CDH9: variants seen among roughly 807,000 people sequenced by gnomAD.
CDH9 encodes cadherin 9.
In CDH9, 28 loss-of-function variants were observed where a neutral mutation model predicts 70.9. The observed-to-expected ratio is 0.40, with a 90% CI of 0.29 to 0.54. The LOEUF (loss-of-function observed/expected upper bound fraction) is 0.54. Among genes scored for constraint, CDH9 ranks in the 20% least tolerant of loss-of-function variants. CDH9 has a pLI of 0.59. For missense variants in CDH9, 874 were observed against 984.4 expected, an observed-to-expected ratio of 0.89 and a Z score of 1.50; for synonymous variants, 409 against 343.1, an observed-to-expected ratio of 1.19 and a Z score of -2.12.
chr5:26,954,388 C>CTTTCTTTTTTTTTT (rs560729532), intron 2 of CDH9, among the ~76,000 whole-genome samples: 1 of 93,066 alleles, frequency 1.1e-5, no homozygotes, highest in Non-Finnish European at 1.9e-5. Flanking sequence ...TACAGCCTTT[C>CTTTCTTTTTTTTTT]TTTTTTTTTT....
chr5:27,021,876 A>G (rs1743144024), intron 1 of CDH9, among the ~76,000 whole-genome samples: 1 of 152,010 alleles, frequency 6.6e-6, no homozygotes, highest in African/African-American at 2.4e-5. Flanking sequence ...CTCCAGAAGG[A>G]AATCACAAGA....
At chr5:26,960,148 A>T (rs1742010332) in intron 2 of CDH9, among the ~76,000 whole-genome samples, 1 of 152,018 alleles carries the variant, frequency 6.6e-6, no homozygotes, top group Admixed American at 6.6e-5. Flanking sequence ...CAGAGAGAAA[A>T]AAACAAGAAA....
intron 1 of CDH9, among the ~76,000 whole-genome samples, chr5:27,009,755 C>G (rs543532487): frequency 2.6e-5 from 4 of 152,192 alleles, no homozygotes; most frequent in African/African-American, 9.6e-5. Flanking sequence ...GGCAGGATAA[C>G]TCTCTTAAAA....
chr5:26,910,524 T>C (rs878969712), intron 3 of CDH9, among the ~76,000 whole-genome samples: 3 of 152,174 alleles, frequency 2.0e-5, no homozygotes, highest in Non-Finnish European at 2.9e-5. Flanking sequence ...TCTGTATCTA[T>C]GTATATCTAT....
intron 2 of CDH9, among the ~76,000 whole-genome samples, chr5:26,934,129 G>A (rs1270839441): frequency 6.6e-6 from 1 of 152,052 alleles, no homozygotes; most frequent in Non-Finnish European, 1.5e-5. Flanking sequence ...GGGGAGAAAG[G>A]TGCTAGGTTC....
intron 2 of CDH9, among the ~76,000 whole-genome samples, chr5:26,925,358 T>A (rs927827796): frequency 3.3e-5 from 5 of 152,200 alleles, no homozygotes; most frequent in Non-Finnish European, 7.3e-5. Flanking sequence ...TTTTGAGAAG[T>A]ATCTGTTCAT....
intron 2 of CDH9, among the ~76,000 whole-genome samples, chr5:26,980,594 G>A (rs974309434): frequency 2.0e-5 from 3 of 151,938 alleles, no homozygotes; most frequent in African/African-American, 7.2e-5. Flanking sequence ...ATTTGCTTGA[G>A]TACAGTTGCA....
rs183157427 is a variant in CDH9 at position 26,953,715 on chromosome 5, A to G, written c.228+34391T>C. On this transcript the variant is annotated intron_variant, in intron 2 of 11. Coordinates refer to ENST00000231021, the MANE Select transcript of CDH9 (RefSeq NM_016279.4). ...CTCATCCCTTCATTCCATCCATCAG[A>G]AAGTTCTGTATCTTAATCTCTTCTT... is the stretch of plus-strand genomic sequence containing the variant. Among the ~76,000 whole-genome samples, 59 of 152,192 alleles carry G rather than the reference A, an allele frequency of 3.9e-4. 1 individual carries two copies. The East Asian group carries it at 7.7e-3, about 20-fold the overall frequency.
intron 1 of CDH9, among the ~76,000 whole-genome samples, chr5:27,018,155 C>T (rs1306229692): frequency 6.6e-6 from 1 of 151,758 alleles, no homozygotes; most frequent in East Asian, 1.9e-4. Flanking sequence ...TTCTATATTA[C>T]AGATGGGTTA....
At chr5:26,926,144 G>A (rs1391148681) in intron 2 of CDH9, among the ~76,000 whole-genome samples, 1 of 152,156 alleles carries the variant, frequency 6.6e-6, no homozygotes, top group Non-Finnish European at 1.5e-5. Flanking sequence ...AAAAGAGGAA[G>A]TCAAATTGTC....
intron 1 of CDH9, among the ~76,000 whole-genome samples, chr5:27,001,041 T>C (rs1461199860): frequency 1.3e-5 from 2 of 152,074 alleles, no homozygotes; most frequent in Non-Finnish European, 2.9e-5. Context: ...GGTAGATACA[T>C]GACATTATGC....
At chr5:26,903,974 A>C (rs567387284) in intron 5 of CDH9, 150 bp from the exon 6 acceptor site, 6 of 539,346 alleles carry the variant, frequency 1.1e-5, no homozygotes, top group African/African-American at 8.1e-5. Flanking sequence ...ATATTTATTA[A>C]TTTGGAAAAA....
intron 2 of CDH9, among the ~76,000 whole-genome samples, chr5:26,987,540 C>T (rs1005631032): frequency 6.6e-6 from 1 of 151,998 alleles, no homozygotes; most frequent in Non-Finnish European, 1.5e-5. Flanking sequence ...AAGGGAGTTA[C>T]ATATTCTCTA....
intron 1 of CDH9, among the ~76,000 whole-genome samples, chr5:27,023,595 C>T (rs1435681375): frequency 4.6e-5 from 7 of 152,058 alleles, no homozygotes; most frequent in Middle Eastern, 3.4e-3. Context: ...AACAATTTCT[C>T]AGGGTGTTGG....
At chr5:26,999,352 G>A (rs1375395366) in intron 1 of CDH9, among the ~76,000 whole-genome samples, 1 of 152,112 alleles carries the variant, frequency 6.6e-6, no homozygotes, top group African/African-American at 2.4e-5. Context: ...CTTCATATAA[G>A]GATAGCAGTG....
intron 2 of CDH9, among the ~76,000 whole-genome samples, chr5:26,960,456 T>C (rs1473450975): frequency 1.3e-5 from 2 of 151,970 alleles, no homozygotes; most frequent in African/African-American, 4.8e-5. Context: ...CATTTCTACA[T>C]ATAAAGACAA....
intron 8 of CDH9, 111 bp from the exon 9 acceptor site, chr5:26,890,068 A>G (rs927053093): frequency 6.8e-5 from 64 of 939,452 alleles, no homozygotes; most frequent in East Asian, 1.2e-4. Context: ...CACTTTCTCA[A>G]TTGGGCTGCT....
intron 1 of CDH9, among the ~76,000 whole-genome samples, chr5:27,035,196 A>T (rs527572762): frequency 1.5e-5 from 2 of 135,342 alleles, no homozygotes; most frequent in South Asian, 4.4e-4. Flanking sequence ...TATATATTTA[A>T]CTTGACAGTC....
At chr5:27,005,413 A>T (rs548627984) in intron 1 of CDH9, among the ~76,000 whole-genome samples, 2 of 152,134 alleles carry the variant, frequency 1.3e-5, no homozygotes, top group Admixed American at 6.6e-5. Flanking sequence ...AGCATATGAA[A>T]AAAAGCTCAG....
Sources: allele counts gnomAD v4.1 joint callset (sites outside exome capture counted in the v4.1 genomes callset), GRCh38; gene constraint gnomAD v4.1.1; transcripts MANE v1.5; gene names NCBI Gene and HGNC (gene_info 2026-07-23, HGNC 2026-07-21).